RRM2: variants seen among roughly 807,000 people sequenced by gnomAD.
RRM2 encodes the protein ribonucleoside-diphosphate reductase subunit M2.
In RRM2, 6 loss-of-function variants were observed where a neutral mutation model predicts 45.9. The observed-to-expected ratio is 0.13, with a 90% CI of 0.07 to 0.26. The LOEUF (loss-of-function observed/expected upper bound fraction) is 0.26, where lower values mean the gene tolerates loss of function less well. RRM2 is among the 10% of genes least tolerant of loss of function. RRM2 has a pLI of 1.00. For synonymous variants in RRM2, 177 were observed against 173.0 expected (o/e 1.02, Z -0.18); for missense variants, 343 against 489.5 (o/e 0.70, Z 2.82).
chr2:10,166,667 G>C (rs760434549), intron 3 of RRM2, among the ~76,000 whole-genome samples: 3 of 152,226 alleles, frequency 2.0e-5, no homozygotes, highest in Non-Finnish European at 4.4e-5. Flanking sequence ...AGGGATCAAG[G>C]CTCAGCCTGT....
upstream of RRM2, among the ~76,000 whole-genome samples, chr2:10,140,850 GT>G (rs1050743602): frequency 2.6e-5 from 4 of 152,074 alleles, no homozygotes; most frequent in African/African-American, 9.7e-5. Flanking sequence ...CTTATAATAA[GT>G]GTTGATGAGC....
At chr2:10,136,806 T>C (rs1662996519), upstream of RRM2, among the ~76,000 whole-genome samples, 1 of 151,862 alleles carries the variant, frequency 6.6e-6, no homozygotes, top group Non-Finnish European at 1.5e-5. Context: ...CCCCTGGGAG[T>C]CTAGTCTCCA....
intron 3 of RRM2, among the ~76,000 whole-genome samples, chr2:10,154,691 CTTTTTTTTTTTT>C (rs70948874): frequency 2.1e-5 from 2 of 95,752 alleles, no homozygotes; most frequent in Non-Finnish European, 3.8e-5. Context: ...AGTCCTGATT[CTTTTTTTTTTTT>C]TTTTTTTTTG....
Position 10,127,257 on chromosome 2 carries a change from C to G in RRM2, c.798+37C>G, listed in dbSNP as rs546566518. On this transcript the variant is annotated intron_variant, in intron 7 of 9. Coordinates refer to ENST00000304567, the MANE Select transcript of RRM2 (RefSeq NM_001034.4). The surrounding 1 kb of genome is among the most constrained non-coding windows in gnomAD (Gnocchi z 4.1). ...TCAAATAATAGGGTGACCTAAACCC[C>G]AAACACAACTCGGGCATGCTCTTGT... is the stretch of plus-strand genomic sequence containing the variant. The G allele has an allele frequency of 6.3e-7, 1 of 1,599,480 alleles. No individual in the cohort carries two copies. Among genetic ancestry groups the G allele is most frequent in the African/African-American group, 1.3e-5 (1 of 74,844 alleles).
rs535552061 is a variant in RRM2 at position 10,169,798 on chromosome 2, A to G, written n.482+27423A>G. ...GAGCAGGAGGCTGAGGCCAGGGGGG[A>G]TGGCAGCCCCCGGGGATCTGAGGAA... On this transcript the variant is annotated intron_variant and non_coding_transcript_variant, in intron 3 of 3. Transcript: ENST00000381786. This position sits in a 1 kb window ranked among gnomAD's most constrained non-coding sequence, Gnocchi z 5.1. 2.0e-5 allele frequency among the ~76,000 whole-genome samples: 3 copies of G among 152,074 alleles called. No homozygotes were observed. The East Asian group carries it at 5.8e-4, about 30-fold the overall frequency.
chr2:10,152,760 G>A (rs990280020), intron 3 of RRM2, among the ~76,000 whole-genome samples: 2 of 151,622 alleles, frequency 1.3e-5, no homozygotes, highest in African/African-American at 4.8e-5. Flanking sequence ...TGGGATTATA[G>A]GCAAGAGCCA....
At chr2:10,173,518 GC>G (rs2125323051) in intron 3 of RRM2, among the ~76,000 whole-genome samples, 1 of 152,296 alleles carries the variant, frequency 6.6e-6, no homozygotes, top group South Asian at 2.1e-4. Flanking sequence ...CTCAGCAGAG[GC>G]CCAGCCCAAT....
chr2:10,126,746 TCTTC>T (rs1662786934), intron 5 of RRM2, 125 bp from the exon 6 acceptor site: 1 of 709,606 alleles, frequency 1.4e-6, no homozygotes, highest in Non-Finnish European at 2.4e-6. Flanking sequence ...CGGTGTGAGT[TCTTC>T]CTTTAGGAAG....
At chr2:10,199,404 C>G (rs1392770186) in intron 3 of RRM2, 2 of 151,946 alleles carry the variant, frequency 1.3e-5, no homozygotes, top group Non-Finnish European at 1.5e-5. Flanking sequence ...TGAAAAACCT[C>G]AGACAAGACT....
chr2:10,131,651 A>G (rs1434598010), downstream of RRM2, among the ~76,000 whole-genome samples: 1 of 152,216 alleles, frequency 6.6e-6, no homozygotes, highest in Non-Finnish European at 1.5e-5. Context: ...AGGCAGGAGA[A>G]TCACTTGAAC....
At chr2:10,196,038 C>T (rs565735511) in intron 3 of RRM2, among the ~76,000 whole-genome samples, 4 of 152,214 alleles carry the variant, frequency 2.6e-5, no homozygotes, top group East Asian at 3.9e-4. Flanking sequence ...GTGGGGTGGC[C>T]GAAGCAGCCC....
upstream of RRM2, among the ~76,000 whole-genome samples, chr2:10,137,272 C>T (rs1233731447): frequency 6.6e-6 from 1 of 152,204 alleles, no homozygotes; most frequent in Non-Finnish European, 1.5e-5. Flanking sequence ...TACATTCGTC[C>T]CCTCACTGCA....
At chr2:10,149,972 C>G (rs1663272078) in intron 3 of RRM2, among the ~76,000 whole-genome samples, 1 of 152,228 alleles carries the variant, frequency 6.6e-6, no homozygotes, top group South Asian at 2.1e-4. Flanking sequence ...CTGGGCAACC[C>G]TCTGACTCGT....
chr2:10,134,455 T>TG (rs1257071584), downstream of RRM2, among the ~76,000 whole-genome samples: 1 of 152,136 alleles, frequency 6.6e-6, no homozygotes, highest in African/African-American at 2.4e-5. Context: ...ATTGGCACAG[T>TG]GGGGAAGATA....
intron 3 of RRM2, among the ~76,000 whole-genome samples, chr2:10,166,011 C>T (rs1037698393): frequency 2.0e-5 from 3 of 152,142 alleles, no homozygotes; most frequent in African/African-American, 4.8e-5. Flanking sequence ...GCCAGCGGCC[C>T]GGAGGGGAGC....
chr2:10,127,148 G>T lies in RRM2; in HGVS notation c.726G>T (p.Ser242=). The stretch of plus-strand genomic sequence containing the variant: ...TTTTCTTTTCCGGTTCTTTTGCGTC[G>T]ATATTCTGGCTCAAGAAACGAGGAC... The part of the protein sequence containing the change: ...EGIFFSGSFA[S]IFWLKKRGLM... The change falls in exon 7 of 10, where the codon TCG becomes TCT. Residue 242 remains serine, a synonymous_variant. Transcript: ENST00000304567. The surrounding 1 kb of genome is among the most constrained non-coding windows in gnomAD (Gnocchi z 4.1). 2 of 1,614,050 alleles carry T rather than the reference G, an allele frequency of 1.2e-6. No individual in the cohort carries two copies. Among genetic ancestry groups the T allele is most frequent in the South Asian group, 1.1e-5 (1 of 91,080 alleles).
In RRM2 at chr2:10,200,559, G is replaced by A. The variant is rs184759510; in HGVS notation, n.483-9752G>A. Among the ~76,000 whole-genome samples, 20 of 5,556 alleles carry A rather than the reference G, an allele frequency of 3.6e-3. 5 individuals carry two copies. Among genetic ancestry groups the A allele is most frequent in the Admixed American group, 4.7e-3 (2 of 424 alleles). 3.6% of individuals were successfully genotyped at this position (5,556 alleles called of 152,430 possible). The stretch of plus-strand genomic sequence containing the variant: ...ATTATGAGTCCCACAGGGACCGCGC[G>A]CGCAAAATATGAGGCCCACAGGGAC... On this transcript the variant is annotated intron_variant and non_coding_transcript_variant, in intron 3 of 3. Transcript: ENST00000381786.
intron 3 of RRM2, chr2:10,198,669 A>G (rs192815770): frequency 4.8e-4 from 73 of 152,290 alleles, no homozygotes; most frequent in African/African-American, 1.7e-3. Context: ...AAGAAACACG[A>G]AAAGTGGCTC....
In RRM2 at chr2:10,172,121, C is replaced by A. The variant is rs564680257; in HGVS notation, n.482+29746C>A. 6.6e-6 allele frequency among the ~76,000 whole-genome samples: 1 copy of A among 152,320 alleles called. No homozygotes were observed. The highest frequency in any genetic ancestry group is 1.9e-4 in the East Asian group (1 of 5,192). On this transcript the variant is annotated intron_variant and non_coding_transcript_variant, in intron 3 of 3. Transcript: ENST00000381786. The surrounding 1 kb of genome is among the most constrained non-coding windows in gnomAD (Gnocchi z 4.9). ...GGAACGTCTGTGTTTACAGGGCATG[C>A]GTTTGGGAGCCAGACAGACCTGGGC...
Sources: gnomAD v4.1 joint callset for allele counts (sites outside exome capture counted in the v4.1 genomes callset) on GRCh38, gnomAD v4.1.1 for gene constraint, Gnocchi (gnomAD v3.1) non-coding constraint, MANE v1.5 for transcripts, NCBI Gene and HGNC (gene_info 2026-07-23, HGNC 2026-07-21) for gene names.